Variants in GNAQ observed in about 807,000 individuals in gnomAD.
The protein encoded by GNAQ is G protein subunit alpha q, also known as guanine nucleotide-binding protein G(q) subunit alpha.
Under a neutral mutation model 43.9 loss-of-function variants are expected in GNAQ, and 8 were observed. That is an observed-to-expected ratio of 0.18 (90% CI 0.11 to 0.33). The LOEUF is 0.33. Among genes scored for constraint, GNAQ ranks in the 10% least tolerant of loss-of-function variants. The pLI is 1.00. For missense variants in GNAQ, 158 were observed against 450.8 expected, an observed-to-expected ratio of 0.35 and a Z score of 5.88; for synonymous variants, 155 against 170.7, an observed-to-expected ratio of 0.91 and a Z score of 0.71.
intron 1 of GNAQ, among the ~76,000 whole-genome samples, chr9:78,030,329 A>G (rs942098968): frequency 6.6e-6 from 1 of 152,080 alleles, no homozygotes; most frequent in African/African-American, 2.4e-5. Flanking sequence ...ATCTTTATCT[A>G]GAAGGAATGG....
chr9:77,844,437 C>G (rs572542940), intron 2 of GNAQ, among the ~76,000 whole-genome samples: 4 of 152,012 alleles, frequency 2.6e-5, no homozygotes, highest in Non-Finnish European at 5.9e-5. Context: ...CTCTATATAA[C>G]CAGAGACAAA....
At chr9:77,791,845 T>C (rs1826579493) in intron 5 of GNAQ, among the ~76,000 whole-genome samples, 1 of 152,144 alleles carries the variant, frequency 6.6e-6, no homozygotes, top group Non-Finnish European at 1.5e-5. Context: ...CAAAGTCTGC[T>C]TTGGATTAAA....
chr9:77,814,718 GTGGA>G (rs762676760), intron 3 of GNAQ, among the ~76,000 whole-genome samples: 6 of 152,156 alleles, frequency 3.9e-5, no homozygotes, highest in Non-Finnish European at 5.9e-5. Context: ...CTCTCATCCA[GTGGA>G]TCACTTTATC....
At chr9:77,726,946 C>T (rs1825405632) in intron 6 of GNAQ, among the ~76,000 whole-genome samples, 1 of 152,190 alleles carries the variant, frequency 6.6e-6, no homozygotes, top group African/African-American at 2.4e-5. Context: ...TCACAATTAT[C>T]CAATTCTGCT....
chr9:77,929,629 A>G (rs1829119463), intron 1 of GNAQ, among the ~76,000 whole-genome samples: 1 of 152,046 alleles, frequency 6.6e-6, no homozygotes. Flanking sequence ...TCAGGTGTTC[A>G]AGACCAGCCT....
rs1471721715 is a variant in GNAQ at position 77,798,656 on chromosome 9, A to G, written c.477-1008T>C. Among the ~76,000 whole-genome samples, 10 of 152,334 alleles carry G rather than the reference A, an allele frequency of 6.6e-5. No individual in the cohort carries two copies. The East Asian group carries it at 1.7e-3, about 26-fold the overall frequency. ...ATAAAATGGAACAGTATTTGCATAT[A>G]ATGTATGCATAGTCCTCTCCTATAG... On this transcript the variant is annotated intron_variant, in intron 3 of 6. Coordinates refer to ENST00000286548, the MANE Select transcript of GNAQ (RefSeq NM_002072.5).
chr9:77,717,182 ATTTT>A lies in GNAQ; in HGVS notation c.*4137_*4140del. 1 of 232,148 alleles carries A rather than the reference ATTTT, an allele frequency of 4.3e-6. No individual in the cohort carries two copies. The highest frequency in any genetic ancestry group is 1.8e-4 in the South Asian group (1 of 5,510). 14.4% of individuals were successfully genotyped at this position (232,148 alleles called of 1,614,324 possible). On this transcript the variant is annotated 3_prime_UTR_variant, in exon 7 of 7. Transcript: ENST00000286548. ...ATAAACATACAATATTACTAGTTTT[ATTTT>A]TTTGTGTTTCTAACCAAAGATATAT...
chr9:77,964,871 A>G (rs543588253), intron 1 of GNAQ, among the ~76,000 whole-genome samples: 1 of 152,270 alleles, frequency 6.6e-6, no homozygotes, highest in African/African-American at 2.4e-5. Flanking sequence ...TAATCTTAAG[A>G]TAAAATACCC....
chr9:77,784,905 C>T (rs924471375), intron 5 of GNAQ, among the ~76,000 whole-genome samples: 1 of 152,164 alleles, frequency 6.6e-6, no homozygotes, highest in Admixed American at 6.5e-5. Context: ...CTACTATACA[C>T]CCACCTGAAT....
At chr9:77,986,071 T>G (rs1472518265) in intron 1 of GNAQ, among the ~76,000 whole-genome samples, 1 of 152,194 alleles carries the variant, frequency 6.6e-6, no homozygotes, top group Non-Finnish European at 1.5e-5. Context: ...CTTCCTAGAA[T>G]GTCCTAGCAT....
intron 5 of GNAQ, among the ~76,000 whole-genome samples, chr9:77,741,934 T>C (rs145599920): frequency 7.2e-4 from 110 of 152,270 alleles, no homozygotes; most frequent in Admixed American, 1.4e-3. Flanking sequence ...TACTAAAAGG[T>C]ATGGTTATGA....
intron 5 of GNAQ, among the ~76,000 whole-genome samples, chr9:77,776,949 TAAA>T (rs949577968): frequency 1.3e-5 from 2 of 151,912 alleles, no homozygotes; most frequent in African/African-American, 2.4e-5. Flanking sequence ...AAAACAATCT[TAAA>T]GAAGAATATA....
In GNAQ at chr9:77,751,818, A is replaced by AC. The variant is rs200335773; in HGVS notation, c.736-23152_736-23151insG. Among the ~76,000 whole-genome samples the AC allele has an allele frequency of 7.9e-5, 12 of 151,890 alleles. No homozygotes were observed. In the South Asian group the frequency reaches 1.0e-3, roughly 13 times the overall value. On this transcript the variant is annotated intron_variant, in intron 5 of 6. Coordinates refer to ENST00000286548, the MANE Select transcript of GNAQ (RefSeq NM_002072.5). ...AACAAACAAACAAACAAACAAACAA[A>AC]AAAAACAAACGAAAAAAACAGGTCA...
intron 1 of GNAQ, among the ~76,000 whole-genome samples, chr9:77,991,201 G>T (rs1823502847): frequency 6.6e-6 from 1 of 152,166 alleles, no homozygotes; most frequent in Non-Finnish European, 1.5e-5. Context: ...CAAAGCAGGT[G>T]GGTTTAAAAG....
intron 3 of GNAQ, among the ~76,000 whole-genome samples, chr9:77,798,304 C>T (rs1331729776): frequency 1.3e-5 from 2 of 152,098 alleles, no homozygotes; most frequent in Non-Finnish European, 2.9e-5. Flanking sequence ...GATACTTTTC[C>T]CTTCCCTTAA....
At chr9:77,885,879 A>G (rs1174612568) in intron 2 of GNAQ, among the ~76,000 whole-genome samples, 5 of 152,220 alleles carry the variant, frequency 3.3e-5, no homozygotes. Context: ...AAATGCTGAT[A>G]TAAAAATAAA....
At chr9:77,782,856 A>C (rs1042138364) in intron 5 of GNAQ, among the ~76,000 whole-genome samples, 1 of 152,218 alleles carries the variant, frequency 6.6e-6, no homozygotes, top group Middle Eastern at 3.2e-3. Context: ...AACTTCAAAT[A>C]CTTATCAGGA....
chr9:77,956,468 A>G (rs894329206), intron 1 of GNAQ, among the ~76,000 whole-genome samples: 1 of 152,200 alleles, frequency 6.6e-6, no homozygotes, highest in East Asian at 1.9e-4. Flanking sequence ...CCAGAAGACT[A>G]ATATTACCCT....
intron 5 of GNAQ, among the ~76,000 whole-genome samples, chr9:77,765,380 T>C (rs1826119123): frequency 6.6e-6 from 1 of 152,252 alleles, no homozygotes; most frequent in Non-Finnish European, 1.5e-5. Flanking sequence ...GGGTTTAATA[T>C]CCAGAATATA....
Sources: gnomAD v4.1 joint callset for allele counts (sites outside exome capture counted in the v4.1 genomes callset) on GRCh38, gnomAD v4.1.1 for gene constraint, MANE v1.5 for transcripts, NCBI Gene and HGNC (gene_info 2026-07-23, HGNC 2026-07-21) for gene names.